Variants in CTNNA3 observed in about 807,000 individuals in gnomAD.
CTNNA3 encodes catenin alpha-3.
CTNNA3 carries 76 observed loss-of-function variants against 95.7 expected under a neutral mutation model. That is an observed-to-expected ratio of 0.79 (90% CI 0.66 to 0.96). CTNNA3 has a LOEUF of 0.96. Ranked by LOEUF, CTNNA3 falls within the 40% of genes least tolerant of loss-of-function variation. The pLI, the probability that CTNNA3 is intolerant of heterozygous loss-of-function variation, is 0.00. For synonymous variants in CTNNA3, 431 were observed against 374.4 expected, an observed-to-expected ratio of 1.15 and a Z score of -1.74; for missense variants, 1,191 against 1,089.8, an observed-to-expected ratio of 1.09 and a Z score of -1.31.
rs183535566 is a variant in CTNNA3, at chr10:66,329,641, G to A, written c.1733-49020C>T. ...GTCAAAATAAAATGAAAGAATGAAC[G>A]AACAGTTGAACAATGGGCGAATGAG... On this transcript the variant is annotated intron_variant, in intron 12 of 17. Transcript: ENST00000433211. 5.6e-3 allele frequency among the ~76,000 whole-genome samples: 850 copies of A among 150,614 alleles called. 14 individuals are homozygous for A. Among genetic ancestry groups the A allele is most frequent in the Non-Finnish European group, 8.8e-3 (598 of 67,696 alleles).
chr10:66,976,397 C>T (rs145726936), intron 7 of CTNNA3, among the ~76,000 whole-genome samples: 95 of 152,244 alleles, frequency 6.2e-4, no homozygotes, highest in African/African-American at 2.2e-3. Flanking sequence ...AACATCCTCT[C>T]GACTCTGGAA....
At chr10:67,504,457 A>AAAAAAAAAG (rs1839369107) in intron 5 of CTNNA3, among the ~76,000 whole-genome samples, 1 of 150,586 alleles carries the variant, frequency 6.6e-6, no homozygotes, top group Non-Finnish European at 1.5e-5. Flanking sequence ...AAAAAAAAAA[A>AAAAAAAAAG]AAACAGAGTA....
chr10:66,553,445 T>TC (rs926112552), intron 10 of CTNNA3, among the ~76,000 whole-genome samples: 2 of 151,212 alleles, frequency 1.3e-5, no homozygotes, highest in Non-Finnish European at 1.5e-5. Flanking sequence ...CATATCTTTT[T>TC]TTTTTTCAGT....
Position 66,042,899 on chromosome 10 carries a change from C to CA in CTNNA3, c.2159+26408dup, listed in dbSNP as rs60090636. Among the ~76,000 whole-genome samples, 481 of 50,414 alleles carry CA rather than the reference C, an allele frequency of 9.5e-3. 78 individuals carry two copies. The highest frequency in any genetic ancestry group is 0.011 in the African/African-American group (123 of 11,518). The allele number at this position is 50,414 out of a possible 152,430, so 33.1% of individuals were successfully genotyped here. A position where few individuals can be genotyped will look rare whatever the true frequency, so the allele number is the denominator to read the frequency against. On this transcript the variant is annotated intron_variant, in intron 15 of 17. Coordinates refer to ENST00000433211, the MANE Select transcript of CTNNA3 (RefSeq NM_013266.4). ...TGGGTGACTGAGCGAGACTCTGTCT[C>CA]AAAAAAAAAAAAAAAAAAAAAAAAA...
intron 15 of CTNNA3, among the ~76,000 whole-genome samples, chr10:66,048,868 C>T (rs1450777394): frequency 6.6e-6 from 1 of 152,116 alleles, no homozygotes; most frequent in Admixed American, 6.6e-5. Context: ...CCATTCTGGA[C>T]ATACAAACAG....
intron 11 of CTNNA3, among the ~76,000 whole-genome samples, chr10:66,461,878 T>C (rs963743162): frequency 1.3e-5 from 2 of 150,890 alleles, no homozygotes; most frequent in Non-Finnish European, 1.5e-5. Flanking sequence ...AGTGGTGTGA[T>C]CTTGGCTCAC....
At chr10:67,561,908 G>A (rs190517270) in intron 3 of CTNNA3, among the ~76,000 whole-genome samples, 2 of 152,094 alleles carry the variant, frequency 1.3e-5, no homozygotes, top group South Asian at 4.2e-4. Flanking sequence ...ATAAATTCCT[G>A]GACACATACA....
At chr10:67,396,708 T>G (rs1375019888) in intron 5 of CTNNA3, among the ~76,000 whole-genome samples, 4 of 152,222 alleles carry the variant, frequency 2.6e-5, no homozygotes, top group African/African-American at 9.6e-5. Context: ...GGTTTGGCTC[T>G]GTCCCCACCC....
At chr10:67,595,933 A>T (rs550927413) in intron 3 of CTNNA3, among the ~76,000 whole-genome samples, 45 of 152,272 alleles carry the variant, frequency 3.0e-4, no homozygotes, top group African/African-American at 1.0e-3. Flanking sequence ...ACTTGTCTGA[A>T]ATAAAAAATA....
At chr10:66,623,364 T>C (rs199522869) in intron 9 of CTNNA3, among the ~76,000 whole-genome samples, 1 of 152,158 alleles carries the variant, frequency 6.6e-6, no homozygotes, top group East Asian at 1.9e-4. Context: ...CCTATGTAGA[T>C]ACTTTTTTAT....
intron 5 of CTNNA3, among the ~76,000 whole-genome samples, chr10:67,223,497 GA>G (rs1285629733): frequency 1.3e-5 from 2 of 152,128 alleles, no homozygotes; most frequent in Non-Finnish European, 2.9e-5. Context: ...AAATGCTCCA[GA>G]AGAAAGCTCA....
chr10:67,234,442 G>A (rs1356178921), intron 5 of CTNNA3, among the ~76,000 whole-genome samples: 1 of 152,126 alleles, frequency 6.6e-6, no homozygotes, highest in African/African-American at 2.4e-5. Flanking sequence ...ATGCAGAAAA[G>A]GCCTTTGACA....
At chr10:66,899,014 C>T (rs961415080) in intron 7 of CTNNA3, among the ~76,000 whole-genome samples, 2 of 152,176 alleles carry the variant, frequency 1.3e-5, no homozygotes, top group African/African-American at 2.4e-5. Flanking sequence ...TACAATTCAA[C>T]AGCAGAAAAC....
At chr10:67,487,154 A>T (rs1848478615) in intron 5 of CTNNA3, among the ~76,000 whole-genome samples, 1 of 152,218 alleles carries the variant, frequency 6.6e-6, no homozygotes, top group Non-Finnish European at 1.5e-5. Flanking sequence ...ACTTGGATCC[A>T]GGAAGAAATA....
chr10:67,084,518 A>C (rs1325860407), intron 7 of CTNNA3, among the ~76,000 whole-genome samples: 1 of 151,946 alleles, frequency 6.6e-6, no homozygotes, highest in Non-Finnish European at 1.5e-5. Flanking sequence ...GAACACCCTC[A>C]GCCATGAGAA....
intron 7 of CTNNA3, among the ~76,000 whole-genome samples, chr10:66,991,756 T>C (rs964909443): frequency 3.9e-5 from 6 of 152,232 alleles, no homozygotes; most frequent in African/African-American, 1.2e-4. Context: ...AACTCTGTGC[T>C]GTTTAAACTT....
chr10:66,452,301 C>G (rs1453006816), intron 11 of CTNNA3, among the ~76,000 whole-genome samples: 1 of 152,090 alleles, frequency 6.6e-6, no homozygotes, highest in Non-Finnish European at 1.5e-5. Flanking sequence ...AGCCTGAAAC[C>G]TAGTAATGAT....
At chr10:67,552,760 T>G (rs1841078993) in intron 3 of CTNNA3, among the ~76,000 whole-genome samples, 1 of 152,114 alleles carries the variant, frequency 6.6e-6, no homozygotes, top group South Asian at 2.1e-4. Context: ...TGTGAGAACA[T>G]GCAGTGTTTG....
chr10:65,924,297 A>G (rs972778597), intron 17 of CTNNA3, among the ~76,000 whole-genome samples: 6 of 152,180 alleles, frequency 3.9e-5, no homozygotes, highest in African/African-American at 1.2e-4. Context: ...GGACACTGAG[A>G]TCTGCCCTCT....
Sources: gnomAD v4.1 joint callset for allele counts (sites outside exome capture counted in the v4.1 genomes callset) on GRCh38, gnomAD v4.1.1 for gene constraint, MANE v1.5 for transcripts, NCBI Gene and HGNC (gene_info 2026-07-23, HGNC 2026-07-21) for gene names.